ALDH8A1: variants seen among roughly 807,000 people sequenced by gnomAD.
ALDH8A1 encodes the protein 2-aminomuconic semialdehyde dehydrogenase.
Under a neutral mutation model 43.3 loss-of-function variants are expected in ALDH8A1, and 39 were observed. The ratio of observed to expected loss-of-function variants is 0.90; its 90% CI spans 0.70 to 1.18. ALDH8A1 has a LOEUF of 1.18. Ranked by LOEUF, ALDH8A1 falls within the 50% of genes most tolerant of loss-of-function variation. The probability of loss-of-function intolerance (pLI) is 0.00; values close to 1 mark genes in which losing one functional copy is unlikely to be tolerated. For missense variants in ALDH8A1, 605 were observed against 622.6 expected (o/e 0.97, Z 0.30); for synonymous variants, 233 against 243.5 (o/e 0.96, Z 0.40).
chr6:134,937,274 T>C (rs889141539), intron 4 of ALDH8A1, among the ~76,000 whole-genome samples: 1 of 152,206 alleles, frequency 6.6e-6, no homozygotes, highest in Admixed American at 6.5e-5. Flanking sequence ...CCAGAACGAA[T>C]TAGTTATTTT....
chr6:134,941,937 A>T (rs779797381), intron 3 of ALDH8A1, among the ~76,000 whole-genome samples: 25 of 151,656 alleles, frequency 1.6e-4, no homozygotes, highest in Admixed American at 5.2e-4. Context: ...CATGAACATG[A>T]GGCCTGGCGT....
In ALDH8A1 at chr6:134,939,265, C is replaced by A. The variant is rs1010241357; in HGVS notation, c.592+1G>T. The A allele has an allele frequency of 1.4e-5, 22 of 1,613,798 alleles. No individual in the cohort carries two copies. The Admixed American group carries it at 2.2e-4, about 16-fold the overall frequency. On this transcript the variant is annotated splice_donor_variant, in intron 4 of 6. Transcript: ENST00000265605. LOFTEE classifies it high-confidence loss of function. ...GCCCCCCAACCCCAACACCTAATTA[C>A]CTGCTTTATCCAGGAGTTTGCACAA... is the stretch of plus-strand genomic sequence containing the variant.
At chr6:134,946,928 G>T (rs1050356342) in intron 1 of ALDH8A1, among the ~76,000 whole-genome samples, 1 of 152,266 alleles carries the variant, frequency 6.6e-6, no homozygotes, top group Middle Eastern at 3.4e-3. Context: ...CGCTTCTTTG[G>T]ATAATCTATA....
At position 134,918,506 on chromosome 6, in the gene ALDH8A1, C is replaced by G. The variant is rs1173219855; in HGVS notation, c.1373G>C (p.Gly458Ala). ...WLIRELNLPF[G>A]GMKSSGIGRE... ...ACCTATTCCAGAACTCTTCATCCCC[C>G]CGAAAGGAAGGTTCAGCTCCCTGAT... Residue 458 changes from glycine to alanine, a missense_variant, in exon 7 of 7, where the codon GGG becomes GCG. Gly to Ala is a moderately conservative substitution (Grantham distance 60, BLOSUM62 0). Transcript: ENST00000265605. 2 of 1,614,050 alleles carry G rather than the reference C, an allele frequency of 1.2e-6. No individual in the cohort carries two copies. The highest frequency in any genetic ancestry group is 1.3e-5 in the African/African-American group (1 of 74,906).
Position 134,949,962 on chromosome 6 carries a change from G to T in ALDH8A1, c.92C>A (p.Ser31Ter). 6.2e-7 allele frequency: 1 copy of T among 1,612,476 alleles called. No homozygotes were observed. The highest frequency in any genetic ancestry group is 8.5e-7 in the Non-Finnish European group (1 of 1,179,250). Residue 31 changes from serine to a stop codon, truncating the protein, a stop_gained, in exon 1 of 7, where the codon TCA (serine) becomes TAA (stop). Transcript: ENST00000265605. LOFTEE classifies it high-confidence loss of function. ...CACTCTGCAATACACTTCCCCTGTT[G>T]ATGGGTCGTAAGAATCTATATATGA... ...CSSYIDSYDP[S>*]TGEVYCRVPN...
intron 4 of ALDH8A1, among the ~76,000 whole-genome samples, chr6:134,936,370 C>T (rs919223426): frequency 2.0e-5 from 3 of 152,224 alleles, no homozygotes; most frequent in African/African-American, 7.2e-5. Flanking sequence ...CATGTGAGAG[C>T]ACCCCAGCTT....
At position 134,938,378 on chromosome 6, in the gene ALDH8A1, G is replaced by A. The variant is rs1039750913; in HGVS notation, c.592+888C>T. On this transcript the variant is annotated intron_variant, in intron 4 of 6. Transcript: ENST00000265605. Reference sequence around the variant, plus strand: ...AAAACCAGGAGCGCATCCTGAATGCGGCCAATAAACTATTAGCAGAAAAAG... The same window carrying A: ...AAAACCAGGAGCGCATCCTGAATGCAGCCAATAAACTATTAGCAGAAAAAG... 3.3e-5 allele frequency among the ~76,000 whole-genome samples: 5 copies of A among 152,174 alleles called. No individual in the cohort carries two copies. The East Asian group carries it at 5.8e-4, about 18-fold the overall frequency.
At chr6:134,929,559 A>C (rs907327805) in intron 5 of ALDH8A1, among the ~76,000 whole-genome samples, 3 of 152,158 alleles carry the variant, frequency 2.0e-5, no homozygotes, top group Non-Finnish European at 4.4e-5. Context: ...ATTTGCATGG[A>C]ATCTTGACTG....
At chr6:134,949,142 T>C (rs1774002251) in intron 1 of ALDH8A1, among the ~76,000 whole-genome samples, 1 of 152,164 alleles carries the variant, frequency 6.6e-6, no homozygotes, top group African/African-American at 2.4e-5. Context: ...ATTTGTGCCT[T>C]AAAAAGAATA....
At chr6:134,919,668 T>G (rs1776764287) in intron 6 of ALDH8A1, among the ~76,000 whole-genome samples, 2 of 152,118 alleles carry the variant, frequency 1.3e-5, no homozygotes, top group South Asian at 4.1e-4. Context: ...AGTATAAAAG[T>G]AGTCCTAAAA....
Position 134,942,429 on chromosome 6 carries a change from A to G in ALDH8A1, c.422T>C (p.Val141Ala), listed in dbSNP as rs1437912759. The change falls in exon 3 of 7, where the codon GTG (valine) becomes GCG (alanine). Residue 141 changes from valine to alanine, a missense_variant. Physicochemically the swap from Val to Ala is moderately conservative, Grantham distance 64. Transcript: ENST00000265605. The part of the protein sequence containing the change: ...MDHLGCMHYT[V>A]RAPVGVAGLI... The stretch of plus-strand genomic sequence containing the variant: ...CTCACCGACTCCCACCGGGGCCCGC[A>G]CCGTGTAGTGCATGCAGCCCAGGTG... The G allele has an allele frequency of 3.1e-6, 5 of 1,613,758 alleles. No individual in the cohort carries two copies. The East Asian group carries it at 6.7e-5, about 22-fold the overall frequency.
chr6:134,946,976 A>C (rs539107085), intron 1 of ALDH8A1, among the ~76,000 whole-genome samples: 5 of 152,216 alleles, frequency 3.3e-5, no homozygotes, highest in Admixed American at 6.5e-5. Context: ...CAGACTTTAA[A>C]ATATACTACA....
At chr6:134,935,968 T>G (rs921064150) in intron 4 of ALDH8A1, among the ~76,000 whole-genome samples, 42 of 151,758 alleles carry the variant, frequency 2.8e-4, no homozygotes, top group African/African-American at 9.9e-4. Context: ...TTTTTTTTTT[T>G]TGAGATGGAG....
At chr6:134,919,918 CTT>C (rs536451790) in intron 6 of ALDH8A1, among the ~76,000 whole-genome samples, 2 of 152,080 alleles carry the variant, frequency 1.3e-5, no homozygotes, top group African/African-American at 4.8e-5. Flanking sequence ...AAGTTAAAGA[CTT>C]TTTTTACAGA....
chr6:134,933,278 G>A (rs1000921271), intron 4 of ALDH8A1, among the ~76,000 whole-genome samples: 2 of 152,164 alleles, frequency 1.3e-5, no homozygotes, highest in Non-Finnish European at 2.9e-5. Context: ...TTGCCCTAGA[G>A]AGATGCAGGG....
Position 134,932,932 on chromosome 6 carries a change from C to T in ALDH8A1, c.693G>A (p.Gly231=). 6.2e-7 allele frequency: 1 copy of T among 1,614,106 alleles called. No homozygotes were observed. The highest frequency in any genetic ancestry group is 1.3e-5 in the African/African-American group (1 of 75,042). ...HPEVPLISFT[G]SQPTAERITQ... ...TGATCCGCTCAGCGGTGGGCTGGCT[C>T]CCGGTGAAGGAGATCAGGGGCACCT... Residue 231 remains glycine, a synonymous_variant, in exon 5 of 7, where the codon GGG becomes GGA. Coordinates refer to ENST00000265605, the MANE Select transcript of ALDH8A1 (RefSeq NM_022568.4).
At chr6:134,926,684 C>G (rs1378131089) in intron 6 of ALDH8A1, among the ~76,000 whole-genome samples, 3 of 152,076 alleles carry the variant, frequency 2.0e-5, no homozygotes, top group Non-Finnish European at 4.4e-5. Flanking sequence ...TGGCACACAC[C>G]TGTAGTCCCA....
chr6:134,939,475 C>A (rs1042418667), intron 3 of ALDH8A1, 60 bp from the exon 4 acceptor site: 3 of 1,557,186 alleles, frequency 1.9e-6, no homozygotes, highest in Non-Finnish European at 2.6e-6. Context: ...GTGGACTGGC[C>A]AAGTGGGGTT....
chr6:134,938,025 A>G (rs551669613), intron 4 of ALDH8A1, among the ~76,000 whole-genome samples: 5 of 152,320 alleles, frequency 3.3e-5, no homozygotes, highest in African/African-American at 9.6e-5. Flanking sequence ...AGAACTGGCT[A>G]GGGTTTACTG....
Sources: allele counts gnomAD v4.1 joint callset (sites outside exome capture counted in the v4.1 genomes callset), GRCh38; gene constraint gnomAD v4.1.1; transcripts MANE v1.5; gene names NCBI Gene and HGNC (gene_info 2026-07-23, HGNC 2026-07-21).